The following TRABD2B variants were observed in gnomAD, a reference collection of about 807,000 sequenced individuals.
TRABD2B encodes the protein metalloprotease TIKI2.
TRABD2B carries 14 observed loss-of-function variants against 40.1 expected under a neutral mutation model. The ratio of observed to expected loss-of-function variants is 0.35; its 90% CI spans 0.23 to 0.55. The LOEUF is 0.55. TRABD2B is among the 20% of genes least tolerant of loss of function. The pLI, the probability that TRABD2B is intolerant of heterozygous loss-of-function variation, is 0.90. For synonymous variants in TRABD2B, 263 were observed against 277.0 expected (o/e 0.95, Z 0.50); for missense variants, 541 against 648.6 (o/e 0.83, Z 1.80).
At chr1:47,989,966 T>G (rs866360514) in intron 2 of TRABD2B, among the ~76,000 whole-genome samples, 28 of 152,286 alleles carry the variant, frequency 1.8e-4, no homozygotes, top group African/African-American at 6.5e-4. Flanking sequence ...TGAAAATAAA[T>G]ACGATAATAA....
intron 2 of TRABD2B, among the ~76,000 whole-genome samples, chr1:47,952,269 T>G (rs1032001857): frequency 1.2e-4 from 18 of 152,306 alleles, no homozygotes; most frequent in Middle Eastern, 3.4e-3. Context: ...TGTCCAAATG[T>G]GCTCCTTCAT....
chr1:47,987,924 T>A (rs946635974), intron 2 of TRABD2B, among the ~76,000 whole-genome samples: 14 of 152,162 alleles, frequency 9.2e-5, no homozygotes, highest in Non-Finnish European at 1.8e-4. Context: ...CAGCCTGTGT[T>A]TAATTCCACG....
intron 2 of TRABD2B, among the ~76,000 whole-genome samples, chr1:47,807,528 A>T (rs1644908297): frequency 6.6e-6 from 1 of 152,226 alleles, no homozygotes; most frequent in Admixed American, 6.5e-5. Flanking sequence ...GTAGTAGAAG[A>T]AGGTAGTCAG....
chr1:47,802,323 T>G (rs529084349), intron 2 of TRABD2B, among the ~76,000 whole-genome samples: 1 of 152,318 alleles, frequency 6.6e-6, no homozygotes, highest in South Asian at 2.1e-4. Flanking sequence ...CCTGCACACT[T>G]CCTAAGCAGT....
chr1:47,900,838 C>A (rs1644590873), intron 2 of TRABD2B, among the ~76,000 whole-genome samples: 1 of 152,136 alleles, frequency 6.6e-6, no homozygotes. Flanking sequence ...AATTAACTAA[C>A]CATGACACTA....
Position 47,780,865 on chromosome 1 carries a change from C to T in TRABD2B, c.989-2321G>A, listed in dbSNP as rs553658854. On this transcript the variant is annotated intron_variant, in intron 4 of 6. Transcript: ENST00000606738. Reference sequence around the variant, plus strand: ...GTTGAGGACAAAAGATCCAGGCTCCCGCCAAGGCTCTCATTCTGCCCCGCA... The same window carrying T: ...GTTGAGGACAAAAGATCCAGGCTCCTGCCAAGGCTCTCATTCTGCCCCGCA... 5.9e-5 allele frequency among the ~76,000 whole-genome samples: 9 copies of T among 152,360 alleles called. No homozygotes were observed. In the South Asian group the frequency reaches 6.2e-4, roughly 11 times the overall value.
At chr1:47,815,801 A>ATAGT (rs1289511172) in intron 2 of TRABD2B, among the ~76,000 whole-genome samples, 3 of 23,622 alleles carry the variant, frequency 1.3e-4, no homozygotes, top group African/African-American at 3.3e-4. Flanking sequence ...GGTGACAGAG[A>ATAGT]TAGATAGATA....
chr1:47,826,464 A>G (rs1362016584), intron 2 of TRABD2B, among the ~76,000 whole-genome samples: 1 of 152,170 alleles, frequency 6.6e-6, no homozygotes, highest in Non-Finnish European at 1.5e-5. Flanking sequence ...TAAATAAAAG[A>G]GAGTTTGAGC....
intron 2 of TRABD2B, among the ~76,000 whole-genome samples, chr1:47,873,712 TGA>T (rs1644177752): frequency 6.6e-6 from 1 of 152,274 alleles, no homozygotes. Context: ...CTGTGAAGCC[TGA>T]GAGAGGACCA....
chr1:47,840,992 T>C (rs1645388910), intron 2 of TRABD2B, among the ~76,000 whole-genome samples: 1 of 152,196 alleles, frequency 6.6e-6, no homozygotes, highest in African/African-American at 2.4e-5. Flanking sequence ...TATTCAAACC[T>C]GACAGTCTGG....
chr1:47,851,409 C>A (rs550199387), intron 2 of TRABD2B, among the ~76,000 whole-genome samples: 5 of 152,210 alleles, frequency 3.3e-5, no homozygotes, highest in Non-Finnish European at 7.4e-5. Flanking sequence ...AGGAGAGTCA[C>A]AAGAATGTAT....
chr1:47,802,184 G>A (rs1337855890), intron 2 of TRABD2B, among the ~76,000 whole-genome samples: 2 of 152,158 alleles, frequency 1.3e-5, no homozygotes, highest in Admixed American at 6.5e-5. Context: ...TGTCCTCGGG[G>A]CCACCGTGCC....
rs111325261 is a variant in TRABD2B at position 47,863,776 on chromosome 1, C to A, written c.667-62157G>T. ...TACCCAAAAATTTGAAAACTTATGT[C>A]CATACAAAAACCTGTACACAGACAT... On this transcript the variant is annotated intron_variant, in intron 2 of 6. Transcript: ENST00000606738. 3.3e-5 allele frequency among the ~76,000 whole-genome samples: 5 copies of A among 152,270 alleles called. 2 individuals carry two copies. The highest frequency in any genetic ancestry group is 1.2e-4 in the African/African-American group (5 of 41,552).
intron 2 of TRABD2B, among the ~76,000 whole-genome samples, chr1:47,983,756 G>GAAAGA (rs1645875696): frequency 8.2e-6 from 1 of 122,180 alleles, no homozygotes; most frequent in African/African-American, 3.1e-5. Context: ...GGCAAAAAAA[G>GAAAGA]AAAAAAAAAA....
At chr1:47,825,488 C>T (rs995232398) in intron 2 of TRABD2B, among the ~76,000 whole-genome samples, 3 of 152,228 alleles carry the variant, frequency 2.0e-5, no homozygotes, top group South Asian at 2.1e-4. Context: ...AAGCTATGCC[C>T]TCCACCTAGA....
At position 47,913,530 on chromosome 1, in the gene TRABD2B, C is replaced by T. The variant is rs563780476; in HGVS notation, c.666+80504G>A. 2.0e-5 allele frequency among the ~76,000 whole-genome samples: 3 copies of T among 152,286 alleles called. No homozygotes were observed. In the East Asian group the frequency reaches 5.8e-4, roughly 29 times the overall value. On this transcript the variant is annotated intron_variant, in intron 2 of 6. Coordinates refer to ENST00000606738, the MANE Select transcript of TRABD2B (RefSeq NM_001194986.2). Reference sequence around the variant, plus strand: ...AGACAAAGGTGTCTGACCTTTCCTGCCTGGCTTTCTAAATGATACTTTTGA... The same window carrying T: ...AGACAAAGGTGTCTGACCTTTCCTGTCTGGCTTTCTAAATGATACTTTTGA...
At position 47,994,284 on chromosome 1, in the gene TRABD2B, G is replaced by A. The variant is rs1164652606; in HGVS notation, c.416C>T (p.Ala139Val). Reference sequence around the variant, plus strand: ...AGCATAGAGCCCCTTGCCCCGCTGAGCGGGCGTCATCCAGGAGGGCATCAT... The same window carrying A: ...AGCATAGAGCCCCTTGCCCCGCTGAACGGGCGTCATCCAGGAGGGCATCAT... ...KLMMPSWMTP[A>V]QRGKGLYADY... The change falls in exon 2 of 7, where the codon GCT (alanine) becomes GTT (valine). Residue 139 changes from alanine (A) to valine (V), a missense_variant. By Grantham distance (64) the Ala-to-Val change is moderately conservative. Coordinates refer to ENST00000606738, the MANE Select transcript of TRABD2B (RefSeq NM_001194986.2). The surrounding 1 kb of genome is among the most constrained non-coding windows in gnomAD (Gnocchi z 6.7). 4 of 1,536,678 alleles carry A rather than the reference G, an allele frequency of 2.6e-6. No homozygotes were observed. The highest frequency in any genetic ancestry group is 3.5e-6 in the Non-Finnish European group (4 of 1,147,002).
rs1644292400 is a variant in TRABD2B at position 47,765,654 on chromosome 1, T to C, written c.*248A>G. ...AGAATAGTTTTATCGGTAGAATAAA[T>C]ACATTTTTCTTTTTTAATATGGACA... On this transcript the variant is annotated 3_prime_UTR_variant, in exon 7 of 7. Coordinates refer to ENST00000606738, the MANE Select transcript of TRABD2B (RefSeq NM_001194986.2). 1.7e-6 allele frequency: 1 copy of C among 584,440 alleles called. No homozygotes were observed. Among genetic ancestry groups the C allele is most frequent in the East Asian group, 2.9e-5 (1 of 34,852 alleles). 36.2% of individuals were successfully genotyped at this position (584,440 alleles called of 1,614,324 possible). A position where few individuals can be genotyped will look rare whatever the true frequency, so the allele number is the denominator to read the frequency against.
At chr1:47,890,539 G>C (rs1311443124) in intron 2 of TRABD2B, among the ~76,000 whole-genome samples, 3 of 152,166 alleles carry the variant, frequency 2.0e-5, no homozygotes, top group African/African-American at 7.2e-5. Flanking sequence ...ACCAGGCAGT[G>C]AAAGAGCATT....
Sources: gnomAD v4.1 joint callset for allele counts (sites outside exome capture counted in the v4.1 genomes callset) on GRCh38, gnomAD v4.1.1 for gene constraint, Gnocchi (gnomAD v3.1) non-coding constraint, MANE v1.5 for transcripts, NCBI Gene and HGNC (gene_info 2026-07-23, HGNC 2026-07-21) for gene names.